The following L3MBTL4 variants were observed in gnomAD, a reference collection of about 807,000 sequenced individuals.
The protein encoded by L3MBTL4 is L3MBTL histone methyl-lysine binding protein 4, also known as lethal(3)malignant brain tumor-like protein 4.
In L3MBTL4, 70 loss-of-function variants were observed where a neutral mutation model predicts 84.5. The ratio of observed to expected loss-of-function variants is 0.83; its 90% CI spans 0.68 to 1.01. L3MBTL4 has a LOEUF of 1.01. Among genes scored for constraint, L3MBTL4 ranks in the 50% least tolerant of loss-of-function variants. The pLI is 0.00. For missense variants in L3MBTL4, 715 were observed against 754.8 expected, an observed-to-expected ratio of 0.95 and a Z score of 0.62; for synonymous variants, 274 against 259.8, an observed-to-expected ratio of 1.05 and a Z score of -0.52.
intron 16 of L3MBTL4, among the ~76,000 whole-genome samples, chr18:6,046,913 C>T (rs941954307): frequency 6.6e-6 from 1 of 152,068 alleles, no homozygotes; most frequent in African/African-American, 2.4e-5. Context: ...CAGAGCAGAA[C>T]TGAACAAAAT....
chr18:6,187,301 A>G (rs1321279838), intron 12 of L3MBTL4, among the ~76,000 whole-genome samples: 1 of 152,106 alleles, frequency 6.6e-6, no homozygotes, highest in Non-Finnish European at 1.5e-5. Context: ...GGTTTCTTCT[A>G]CAAAAGAAGT....
At chr18:6,231,386 G>A (rs2046993509) in intron 10 of L3MBTL4, among the ~76,000 whole-genome samples, 1 of 152,088 alleles carries the variant, frequency 6.6e-6, no homozygotes, top group African/African-American at 2.4e-5. Context: ...TCAGATAGTT[G>A]TAGGTGTATG....
chr18:5,993,032 G>A (rs2053774058), intron 16 of L3MBTL4, among the ~76,000 whole-genome samples: 1 of 152,186 alleles, frequency 6.6e-6, no homozygotes. Context: ...TTGGTGGAAT[G>A]CAAGACTGAG....
At chr18:6,147,238 C>T (rs1447562972) in intron 13 of L3MBTL4, among the ~76,000 whole-genome samples, 1 of 151,800 alleles carries the variant, frequency 6.6e-6, no homozygotes, top group African/African-American at 2.4e-5. Context: ...AAATAATTAC[C>T]CTTGAACATT....
At chr18:6,067,669 G>T (rs2057444902) in intron 16 of L3MBTL4, among the ~76,000 whole-genome samples, 1 of 151,636 alleles carries the variant, frequency 6.6e-6, no homozygotes. Flanking sequence ...CAATCTCTCT[G>T]GAAAATTTTC....
At chr18:6,140,345 T>C (rs936518086) in intron 13 of L3MBTL4, among the ~76,000 whole-genome samples, 6 of 152,334 alleles carry the variant, frequency 3.9e-5, no homozygotes, top group Admixed American at 1.3e-4. Flanking sequence ...TTTTCAATCA[T>C]GTCTGGCTGT....
At chr18:6,230,471 C>T (rs989380757) in intron 10 of L3MBTL4, among the ~76,000 whole-genome samples, 3 of 152,110 alleles carry the variant, frequency 2.0e-5, no homozygotes, top group Non-Finnish European at 4.4e-5. Context: ...GTTTATTTAT[C>T]CAATCTACCA....
intron 3 of L3MBTL4, among the ~76,000 whole-genome samples, chr18:6,308,823 G>T (rs1266146252): frequency 6.6e-6 from 1 of 152,106 alleles, no homozygotes; most frequent in East Asian, 1.9e-4. Flanking sequence ...ATATTTAGGG[G>T]TTTAGTGTAT....
At chr18:6,005,324 C>A (rs1052259355) in intron 16 of L3MBTL4, among the ~76,000 whole-genome samples, 3 of 152,072 alleles carry the variant, frequency 2.0e-5, no homozygotes, top group Admixed American at 6.5e-5. Context: ...CCAGCCTGGG[C>A]GACACAGTGA....
intron 4 of L3MBTL4, among the ~76,000 whole-genome samples, chr18:6,294,137 G>A (rs111976688): frequency 2.6e-5 from 4 of 151,924 alleles, no homozygotes; most frequent in African/African-American, 4.8e-5. Flanking sequence ...ATGAGGTATC[G>A]GATTGACAAC....
In L3MBTL4 at chr18:6,317,361, C is replaced by G. The variant is rs1031621436; in HGVS notation, c.-90-5305G>C. ...AACATAAAGAAATGAAAAAAAAATT[C>G]AAGATATAAATGAAAAATGTTATAA... On this transcript the variant is annotated intron_variant, in intron 1 of 18. Transcript: ENST00000317931. 4.0e-5 allele frequency among the ~76,000 whole-genome samples: 6 copies of G among 151,474 alleles called. No individual in the cohort carries two copies. In the South Asian group the frequency reaches 1.2e-3, roughly 31 times the overall value.
intron 16 of L3MBTL4, among the ~76,000 whole-genome samples, chr18:6,060,160 C>T (rs1035175688): frequency 1.3e-5 from 2 of 152,028 alleles, no homozygotes; most frequent in Non-Finnish European, 2.9e-5. Flanking sequence ...TCATTACATA[C>T]TCTCATTATG....
chr18:6,090,595 C>T (rs1221547864), intron 15 of L3MBTL4, among the ~76,000 whole-genome samples: 91 of 62,942 alleles, frequency 1.4e-3, no homozygotes, highest in East Asian at 0.011. Context: ...TATATATATA[C>T]ACACACACAC....
intron 16 of L3MBTL4, among the ~76,000 whole-genome samples, chr18:6,026,971 T>C (rs2055536241): frequency 6.6e-6 from 1 of 152,106 alleles, no homozygotes; most frequent in African/African-American, 2.4e-5. Context: ...CAACCAGGAA[T>C]CTTAATTAAC....
intron 1 of L3MBTL4, among the ~76,000 whole-genome samples, chr18:6,358,139 AC>A (rs2143936861): frequency 6.6e-6 from 1 of 152,306 alleles, no homozygotes; most frequent in South Asian, 2.1e-4. Context: ...GGAGTTAACA[AC>A]CTCATTTGTA....
chr18:6,088,472 G>C (rs1375721542), intron 15 of L3MBTL4, among the ~76,000 whole-genome samples: 1 of 152,164 alleles, frequency 6.6e-6, no homozygotes, highest in Admixed American at 6.5e-5. Flanking sequence ...GGAAAGGGAG[G>C]AGATGCAGGC....
chr18:6,383,139 G>A (rs1337996801), intron 1 of L3MBTL4, among the ~76,000 whole-genome samples: 1 of 152,146 alleles, frequency 6.6e-6, no homozygotes, highest in Non-Finnish European at 1.5e-5. Context: ...TCAAGCCTCA[G>A]CAATGGTGGA....
intron 14 of L3MBTL4, among the ~76,000 whole-genome samples, chr18:6,112,522 CCT>C (rs2059227027): frequency 6.6e-6 from 1 of 152,178 alleles, no homozygotes; most frequent in Non-Finnish European, 1.5e-5. Flanking sequence ...CAGCTTACTC[CCT>C]GTGTCTCAGC....
At chr18:6,162,885 G>T (rs2043410975) in intron 13 of L3MBTL4, among the ~76,000 whole-genome samples, 1 of 152,166 alleles carries the variant, frequency 6.6e-6, no homozygotes, top group Non-Finnish European at 1.5e-5. Context: ...TAAATGTGAG[G>T]TGTAAATGAA....
Sources: gnomAD v4.1 joint callset for allele counts (sites outside exome capture counted in the v4.1 genomes callset) on GRCh38, gnomAD v4.1.1 for gene constraint, MANE v1.5 for transcripts, NCBI Gene and HGNC (gene_info 2026-07-23, HGNC 2026-07-21) for gene names.